SCAMP4: variants seen among roughly 807,000 people sequenced by gnomAD.
SCAMP4 encodes secretory carrier-associated membrane protein 4.
Under a neutral mutation model 32.1 loss-of-function variants are expected in SCAMP4, and 19 were observed. The observed-to-expected ratio is 0.59, with a 90% CI of 0.41 to 0.87. The LOEUF (loss-of-function observed/expected upper bound fraction) is 0.87, where lower values mean the gene tolerates loss of function less well. Among genes scored for constraint, SCAMP4 ranks in the 40% least tolerant of loss-of-function variants. The pLI, the probability that SCAMP4 is intolerant of heterozygous loss-of-function variation, is 0.00. For missense variants in SCAMP4, 302 were observed against 309.0 expected, an observed-to-expected ratio of 0.98 and a Z score of 0.17; for synonymous variants, 152 against 132.7, an observed-to-expected ratio of 1.15 and a Z score of -1.00.
Position 1,917,703 on chromosome 19 carries a change from A to G in SCAMP4, c.17A>G (p.Asn6Ser). 6.2e-7 allele frequency: 1 copy of G among 1,613,948 alleles called. No individual in the cohort carries two copies. Among genetic ancestry groups the G allele is most frequent in the East Asian group, 2.2e-5 (1 of 44,884 alleles). ...TTCTCTGTCCCTACAGAAAAGGAGA[A>G]CAACTTCCCGCCACTGCCCAAGTTC... MSEKE[N>S]NFPPLPKFIP... is the part of the protein sequence containing the mutation. Residue 6 changes from asparagine to serine, a missense_variant, in exon 3 of 7, where the codon AAC becomes AGC. Transcript: ENST00000316097.
chr19:1,917,906 G>A (rs1323489723), intron 3 of SCAMP4, 84 bp downstream of exon 3: 10 of 1,558,010 alleles, frequency 6.4e-6, no homozygotes, highest in African/African-American at 4.1e-5. Context: ...GGGGCAGCCC[G>A]TCGGGGGCCC....
chr19:1,913,671 G>A (rs2013621083), intron 1 of SCAMP4, among the ~76,000 whole-genome samples: 1 of 152,190 alleles, frequency 6.6e-6, no homozygotes, highest in Non-Finnish European at 1.5e-5. Context: ...GTGGACACTA[G>A]GCGTAGTCCA....
Position 1,924,335 on chromosome 19 carries a change from G to A in SCAMP4, c.*51G>A. On this transcript the variant is annotated 3_prime_UTR_variant, in exon 7 of 7. Transcript: ENST00000316097. ...CCACCACCTCCTCCCCTTCATTCCTGCTGCTACCCCTGGTCCCGAGGGCTG... is the reference window on the plus strand; with the variant it reads ...CCACCACCTCCTCCCCTTCATTCCTACTGCTACCCCTGGTCCCGAGGGCTG... 6.6e-7 allele frequency: 1 copy of A among 1,509,788 alleles called. No homozygotes were observed. 93.5% of individuals were successfully genotyped at this position (1,509,788 alleles called of 1,614,324 possible). A position where few individuals can be genotyped will look rare whatever the true frequency, so the allele number is the denominator to read the frequency against.
Position 1,915,131 on chromosome 19 carries a change from C to G in SCAMP4, c.7+105C>G, listed in dbSNP as rs1017516071. ...CTGGCCGTTGGCAAACAGTGTCCTC[C>G]TGGCCCACCTGGCCTCTGACTCCTC... On this transcript the variant is annotated intron_variant, in intron 2 of 6. Transcript: ENST00000316097. The G allele has an allele frequency of 6.1e-6, 8 of 1,316,276 alleles. No homozygotes were observed. In the African/African-American group the frequency reaches 1.0e-4, roughly 17 times the overall value. The allele number at this position is 1,316,276 out of a possible 1,614,324, so 81.5% of individuals were successfully genotyped here.
At chr19:1,922,151 C>T in intron 5 of SCAMP4, 1 of 985,488 alleles carries the variant, frequency 1.0e-6, no homozygotes, top group Non-Finnish European at 1.2e-6. Flanking sequence ...TTTCTGCCTC[C>T]TGGGTCTCAA....
intron 1 of SCAMP4, chr19:1,912,939 T>A (rs1427901178): frequency 1.1e-5 from 17 of 1,610,236 alleles, no homozygotes; most frequent in Non-Finnish European, 1.4e-5. Flanking sequence ...GTGCACTGGC[T>A]ACGACCTGTA....
chr19:1,924,488 A>C lies in SCAMP4; in HGVS notation c.*204A>C, dbSNP rs1599260275. On this transcript the variant is annotated 3_prime_UTR_variant, in exon 7 of 7. Coordinates refer to ENST00000316097, the MANE Select transcript of SCAMP4 (RefSeq NM_079834.4). ...TCCGAGAGCGGAGTTCCTCACAAGC[A>C]CTCCCCAGCAGCCCTTGGCCTCTGC... 2 of 584,864 alleles carry C rather than the reference A, an allele frequency of 3.4e-6. No individual in the cohort carries two copies. The highest frequency in any genetic ancestry group is 1.9e-5 in the African/African-American group (1 of 53,528). 36.2% of individuals were successfully genotyped at this position (584,864 alleles called of 1,614,324 possible).
At chr19:1,906,366 A>G (rs2145418889) in intron 1 of SCAMP4, 1 of 152,266 alleles carries the variant, frequency 6.6e-6, no homozygotes, top group East Asian at 1.9e-4. Context: ...TCTCCAAAAA[A>G]AAGAAAAAAA....
intron 6 of SCAMP4, 34 bp downstream of exon 6, chr19:1,923,221 C>A (rs1316480218): frequency 1.3e-6 from 2 of 1,509,968 alleles, no homozygotes; most frequent in Admixed American, 2.1e-5. Context: ...CCAGCCCTTA[C>A]CCCTTCTCCA....
chr19:1,914,639 C>A, intron 1 of SCAMP4: 1 of 393,064 alleles, frequency 2.5e-6, no homozygotes. Context: ...CTGCAGCGTT[C>A]ACCTTGTGGC....
intron 5 of SCAMP4, chr19:1,921,309 C>G: frequency 1.0e-6 from 1 of 985,456 alleles, no homozygotes; most frequent in Non-Finnish European, 1.2e-6. Context: ...GTGACGCATG[C>G]CCGAGGCCAT....
chr19:1,911,424 G>A (rs764352866), intron 1 of SCAMP4, among the ~76,000 whole-genome samples: 10 of 151,988 alleles, frequency 6.6e-5, no homozygotes, highest in Middle Eastern at 3.4e-3. Context: ...CCCCCACCTC[G>A]GCCTCCCATA....
intron 2 of SCAMP4, among the ~76,000 whole-genome samples, chr19:1,917,053 A>G (rs1028538356): frequency 2.6e-5 from 4 of 152,228 alleles, no homozygotes; most frequent in Admixed American, 6.5e-5. Flanking sequence ...TTATCCCAGC[A>G]CTTTGGGAGG....
In SCAMP4 at chr19:1,917,715, C is replaced by T. The variant is rs548869200; in HGVS notation, c.29C>T (p.Pro10Leu). 31 of 1,614,066 alleles carry T rather than the reference C, an allele frequency of 1.9e-5. No homozygotes were observed. The Admixed American group carries it at 2.8e-4, about 15-fold the overall frequency. Residue 10 changes from proline to leucine, a missense_variant, in exon 3 of 7, where the codon CCA becomes CTA. Coordinates refer to ENST00000316097, the MANE Select transcript of SCAMP4 (RefSeq NM_079834.4). Reference protein sequence around the residue: MSEKENNFPPLPKFIPVKPC... With the variant: MSEKENNFPLLPKFIPVKPC... ...ACAGAAAAGGAGAACAACTTCCCGC[C>T]ACTGCCCAAGTTCATCCCTGTGAAG...
intron 4 of SCAMP4, chr19:1,918,675 T>C: frequency 2.9e-6 from 2 of 690,448 alleles, no homozygotes; most frequent in Non-Finnish European, 4.5e-6. Flanking sequence ...GGCAAGAGAA[T>C]CGCTTGAACC....
intron 6 of SCAMP4, among the ~76,000 whole-genome samples, chr19:1,923,721 C>T (rs1041369194): frequency 6.9e-6 from 1 of 144,794 alleles, no homozygotes; most frequent in Admixed American, 7.4e-5. Flanking sequence ...GGGGTTCATG[C>T]CATTCTCCTG....
Position 1,924,484 on chromosome 19 carries a change from A to C in SCAMP4, c.*200A>C. On this transcript the variant is annotated 3_prime_UTR_variant, in exon 7 of 7. Transcript: ENST00000316097. Reference sequence around the variant, plus strand: ...CTCATCCGAGAGCGGAGTTCCTCACAAGCACTCCCCAGCAGCCCTTGGCCT... The same window carrying C: ...CTCATCCGAGAGCGGAGTTCCTCACCAGCACTCCCCAGCAGCCCTTGGCCT... 5.1e-6 allele frequency: 3 copies of C among 591,198 alleles called. No individual in the cohort carries two copies. Among genetic ancestry groups the C allele is most frequent in the Middle Eastern group, 4.5e-4 (1 of 2,214 alleles). The allele number at this position is 591,198 out of a possible 1,614,324, so 36.6% of individuals were successfully genotyped here. A position where few individuals can be genotyped will look rare whatever the true frequency, so the allele number is the denominator to read the frequency against.
chr19:1,921,151 G>A (rs566570601), intron 5 of SCAMP4: 1 of 985,398 alleles, frequency 1.0e-6, no homozygotes, highest in Admixed American at 6.1e-5. Context: ...CGCTGCTGTG[G>A]GGCGAGAGGG....
Position 1,917,839 on chromosome 19 carries a change from G to A in SCAMP4, c.136+17G>A, listed in dbSNP as rs778385973. On this transcript the variant is annotated intron_variant, in intron 3 of 6. Coordinates refer to ENST00000316097, the MANE Select transcript of SCAMP4 (RefSeq NM_079834.4). ...TGTGGATGTGTGAGTGCGCCTGGGG[G>A]CAGGAGGCGGGAAGCGGGAGGCAGG... is the stretch of plus-strand genomic sequence containing the variant. 1.2e-6 allele frequency: 2 copies of A among 1,613,200 alleles called. No homozygotes were observed. Among genetic ancestry groups the A allele is most frequent in the Middle Eastern group, 1.7e-4 (1 of 5,902 alleles).
Sources: allele counts gnomAD v4.1 joint callset (sites outside exome capture counted in the v4.1 genomes callset), GRCh38; gene constraint gnomAD v4.1.1; transcripts MANE v1.5; gene names NCBI Gene and HGNC (gene_info 2026-07-23, HGNC 2026-07-21).